PPP3CC: variants seen among roughly 807,000 people sequenced by gnomAD.
The protein encoded by PPP3CC is protein phosphatase 3 catalytic subunit gamma, also known as serine/threonine-protein phosphatase 2B catalytic subunit gamma isoform.
In PPP3CC, 35 loss-of-function variants were observed where a neutral mutation model predicts 60.3. The ratio of observed to expected loss-of-function variants is 0.58; its 90% confidence interval spans 0.44 to 0.77. The LOEUF is 0.77. PPP3CC is among the 30% of genes least tolerant of loss of function. The probability of loss-of-function intolerance (pLI) is 0.00; values close to 1 mark genes in which losing one functional copy is unlikely to be tolerated. For synonymous variants in PPP3CC, 206 were observed against 224.3 expected (o/e 0.92, Z 0.73); for missense variants, 570 against 628.9 (o/e 0.91, Z 1.00).
chr8:22,502,472 C>G (rs1838790522), intron 4 of PPP3CC, among the ~76,000 whole-genome samples: 1 of 152,088 alleles, frequency 6.6e-6, no homozygotes, highest in Non-Finnish European at 1.5e-5. Flanking sequence ...ATTGCTTGAG[C>G]CCAGGAGTTC....
At chr8:22,474,185 G>A (rs1461611691) in intron 1 of PPP3CC, among the ~76,000 whole-genome samples, 1 of 152,104 alleles carries the variant, frequency 6.6e-6, no homozygotes, top group Non-Finnish European at 1.5e-5. Flanking sequence ...GTGAGCCATG[G>A]TGCCCGGCCG....
chr8:22,502,361 T>C (rs1432330543), intron 4 of PPP3CC, among the ~76,000 whole-genome samples: 1 of 152,202 alleles, frequency 6.6e-6, no homozygotes, highest in Non-Finnish European at 1.5e-5. Context: ...GATAATATGC[T>C]TTTGAACAAT....
chr8:22,456,180 A>G (rs1434781577), intron 1 of PPP3CC, among the ~76,000 whole-genome samples: 1 of 152,164 alleles, frequency 6.6e-6, no homozygotes, highest in African/African-American at 2.4e-5. Context: ...TCTAAAAATA[A>G]TAGCTTATAG....
chr8:22,516,630 A>G (rs1007868488), intron 6 of PPP3CC, among the ~76,000 whole-genome samples: 20 of 152,208 alleles, frequency 1.3e-4, no homozygotes, highest in Admixed American at 9.8e-4. Flanking sequence ...CCTCACTCAC[A>G]TGTTCCTAGC....
chr8:22,535,450 G>A (rs929171279), intron 12 of PPP3CC, among the ~76,000 whole-genome samples: 2 of 152,034 alleles, frequency 1.3e-5, no homozygotes, highest in Non-Finnish European at 2.9e-5. Context: ...TTGTTGAATT[G>A]TTTCTATTTA....
At position 22,456,971 on chromosome 8, in the gene PPP3CC, C is replaced by T. The variant is rs551365035; in HGVS notation, c.49+15513C>T. ...TGCATAGGCTTAGAATGATTCTCAG[C>T]TGTGATTTATTTCCTCCCTCCCTCC... On this transcript the variant is annotated intron_variant, in intron 1 of 13. Transcript: ENST00000240139. 5.1e-4 allele frequency among the ~76,000 whole-genome samples: 75 copies of T among 147,518 alleles called. 1 individual carries two copies. Among genetic ancestry groups the T allele is most frequent in the African/African-American group, 1.8e-3 (70 of 39,492 alleles).
chr8:22,471,552 A>G (rs1311753038), intron 1 of PPP3CC, among the ~76,000 whole-genome samples: 1 of 152,182 alleles, frequency 6.6e-6, no homozygotes, highest in Non-Finnish European at 1.5e-5. Context: ...AGGTTACTGT[A>G]CTGGATACTG....
At chr8:22,461,760 A>C (rs2132447410) in intron 1 of PPP3CC, among the ~76,000 whole-genome samples, 1 of 152,344 alleles carries the variant, frequency 6.6e-6, no homozygotes, top group Non-Finnish European at 1.5e-5. Context: ...AGGAGCTGTT[A>C]GTCACAGAGT....
At chr8:22,450,393 A>G (rs1177618755) in intron 1 of PPP3CC, among the ~76,000 whole-genome samples, 1 of 152,200 alleles carries the variant, frequency 6.6e-6, no homozygotes, top group East Asian at 1.9e-4. Flanking sequence ...TGTATTTTTC[A>G]TCCCTGTTAA....
intron 6 of PPP3CC, among the ~76,000 whole-genome samples, chr8:22,519,884 G>C (rs989045795): frequency 9.2e-5 from 14 of 152,008 alleles, no homozygotes; most frequent in African/African-American, 3.1e-4. Flanking sequence ...TCTAACTCCT[G>C]GCCTCAAGTG....
At chr8:22,516,211 A>G (rs1333114118) in intron 6 of PPP3CC, among the ~76,000 whole-genome samples, 2 of 152,140 alleles carry the variant, frequency 1.3e-5, no homozygotes, top group Admixed American at 6.5e-5. Flanking sequence ...AAGTGCTGGG[A>G]TTACAGGGAT....
intron 3 of PPP3CC, among the ~76,000 whole-genome samples, chr8:22,476,165 G>A (rs1243400175): frequency 2.6e-5 from 4 of 152,168 alleles, no homozygotes; most frequent in Admixed American, 2.6e-4. Flanking sequence ...AAAATGGAAA[G>A]ATAGGAACAT....
intron 1 of PPP3CC, among the ~76,000 whole-genome samples, chr8:22,462,752 G>T (rs1253142276): frequency 6.6e-6 from 1 of 151,926 alleles, no homozygotes; most frequent in East Asian, 1.9e-4. Flanking sequence ...TGTATTTTTA[G>T]TAGGGACGGG....
chr8:22,465,290 C>T (rs557102563), intron 1 of PPP3CC, among the ~76,000 whole-genome samples: 1 of 152,162 alleles, frequency 6.6e-6, no homozygotes, highest in African/African-American at 2.4e-5. Flanking sequence ...AGGATAGGGT[C>T]AGGTCACTGC....
intron 6 of PPP3CC, among the ~76,000 whole-genome samples, chr8:22,516,339 AT>A (rs1467760200): frequency 6.6e-6 from 1 of 152,216 alleles, no homozygotes; most frequent in Non-Finnish European, 1.5e-5. Context: ...AAAGAGCATA[AT>A]ACATATTCAT....
intron 1 of PPP3CC, among the ~76,000 whole-genome samples, chr8:22,471,703 C>T (rs901663222): frequency 2.6e-5 from 4 of 152,088 alleles, no homozygotes; most frequent in African/African-American, 9.7e-5. Flanking sequence ...GCTTACAGGA[C>T]TGGAAGTTGC....
At chr8:22,444,063 A>T (rs563916773) in intron 1 of PPP3CC, among the ~76,000 whole-genome samples, 1 of 152,250 alleles carries the variant, frequency 6.6e-6, no homozygotes, top group African/African-American at 2.4e-5. Flanking sequence ...AGAGGTTTGT[A>T]TTTTAGGTGT....
chr8:22,516,468 GAT>G lies in PPP3CC; in HGVS notation c.770+3042_770+3043del, dbSNP rs1167311985. ...TCTACTTCTAAAACTTAATCCTGTAGATATATAATTGATTCTCATTACTTGTG... is the reference window on the plus strand; with the variant it reads ...TCTACTTCTAAAACTTAATCCTGTAGATATAATTGATTCTCATTACTTGTG... On this transcript the variant is annotated intron_variant, in intron 6 of 13. Coordinates refer to ENST00000240139, the MANE Select transcript of PPP3CC (RefSeq NM_005605.5). Among the ~76,000 whole-genome samples, 4 of 152,268 alleles carry G rather than the reference GAT, an allele frequency of 2.6e-5. No homozygotes were observed. The East Asian group carries it at 7.7e-4, about 29-fold the overall frequency.
At chr8:22,464,955 G>A (rs985054633) in intron 1 of PPP3CC, among the ~76,000 whole-genome samples, 3 of 151,680 alleles carry the variant, frequency 2.0e-5, no homozygotes, top group Non-Finnish European at 4.4e-5. Context: ...CAGATTCTAC[G>A]GGAGAGACAT....
Sources: allele counts gnomAD v4.1 joint callset (sites outside exome capture counted in the v4.1 genomes callset), GRCh38; gene constraint gnomAD v4.1.1; transcripts MANE v1.5; gene names NCBI Gene and HGNC (gene_info 2026-07-23, HGNC 2026-07-21).